The following PTPRD variants were observed in gnomAD, a reference collection of about 807,000 sequenced individuals.
PTPRD encodes the protein receptor-type tyrosine-protein phosphatase delta.
PTPRD carries 34 observed loss-of-function variants against 214.5 expected under a neutral mutation model. The observed-to-expected ratio is 0.16, with a 90% CI of 0.12 to 0.21. The LOEUF (loss-of-function observed/expected upper bound fraction) is 0.21, where lower values mean the gene tolerates loss of function less well. PTPRD is among the 10% of genes least tolerant of loss of function. The pLI is 1.00. For synonymous variants in PTPRD, 1,128 were observed against 845.7 expected, an observed-to-expected ratio of 1.33 and a Z score of -5.79; for missense variants, 2,545 against 2,398.7, an observed-to-expected ratio of 1.06 and a Z score of -1.27.
chr9:8,788,463 C>T (rs1027030512), intron 11 of PTPRD, among the ~76,000 whole-genome samples: 10 of 151,652 alleles, frequency 6.6e-5, no homozygotes, highest in Non-Finnish European at 1.3e-4. Flanking sequence ...TTAGTAGAGA[C>T]GGGGTTTCTC....
At chr9:8,348,656 C>A (rs778551608) in intron 39 of PTPRD, among the ~76,000 whole-genome samples, 30 of 152,028 alleles carry the variant, frequency 2.0e-4, no homozygotes, top group Non-Finnish European at 1.8e-4. Context: ...ACCGCAGGGC[C>A]CTCAGGTAAT....
At chr9:9,925,154 A>G (rs2083827661) in intron 5 of PTPRD, among the ~76,000 whole-genome samples, 1 of 152,042 alleles carries the variant, frequency 6.6e-6, no homozygotes, top group Non-Finnish European at 1.5e-5. Context: ...ATTATCACAA[A>G]TCTACAATTT....
chr9:8,900,945 A>G (rs1587698805), intron 11 of PTPRD, among the ~76,000 whole-genome samples: 1 of 152,332 alleles, frequency 6.6e-6, no homozygotes, highest in East Asian at 1.9e-4. Flanking sequence ...TTTCAAAAGT[A>G]ATAAATGTCT....
chr9:9,509,498 T>G (rs2154241834), intron 8 of PTPRD, among the ~76,000 whole-genome samples: 1 of 151,552 alleles, frequency 6.6e-6, no homozygotes, highest in South Asian at 2.1e-4. Context: ...ACTGCCTAAT[T>G]GATCACCTGC....
intron 2 of PTPRD, among the ~76,000 whole-genome samples, chr9:10,455,821 A>C (rs1360194584): frequency 6.6e-6 from 1 of 151,324 alleles, no homozygotes. Flanking sequence ...CTCCTACTGA[A>C]TGTGATTACT....
At chr9:10,410,501 CA>C (rs893625439) in intron 2 of PTPRD, among the ~76,000 whole-genome samples, 12 of 151,010 alleles carry the variant, frequency 7.9e-5, no homozygotes, top group African/African-American at 2.9e-4. Flanking sequence ...TTTATAGACA[CA>C]AACTGTTGAT....
intron 9 of PTPRD, among the ~76,000 whole-genome samples, chr9:9,320,189 T>C (rs1281796269): frequency 6.6e-6 from 1 of 152,206 alleles, no homozygotes; most frequent in Non-Finnish European, 1.5e-5. Context: ...AGAGGCACCA[T>C]ATTTTATTTC....
intron 7 of PTPRD, among the ~76,000 whole-genome samples, chr9:9,670,805 C>A (rs1436970517): frequency 1.3e-5 from 2 of 152,138 alleles, no homozygotes; most frequent in Admixed American, 1.3e-4. Flanking sequence ...GGAACATCCA[C>A]CTAGATTTCA....
intron 8 of PTPRD, among the ~76,000 whole-genome samples, chr9:9,486,289 A>T (rs545285745): frequency 4.0e-4 from 61 of 151,424 alleles, no homozygotes; most frequent in Non-Finnish European, 6.6e-4. Context: ...TGCGTCTTCA[A>T]ACAAGGATGG....
intron 7 of PTPRD, among the ~76,000 whole-genome samples, chr9:9,607,654 A>C (rs2094251684): frequency 6.6e-6 from 1 of 152,000 alleles, no homozygotes; most frequent in Admixed American, 6.6e-5. Context: ...CATCCTGCAA[A>C]CCCTTATCAT....
intron 5 of PTPRD, among the ~76,000 whole-genome samples, chr9:9,775,954 C>CA (rs59412193): frequency 0.027 from 755 of 28,404 alleles, 62 homozygotes; most frequent in African/African-American, 0.042. Context: ...GACTCTGTCT[C>CA]AAAAAAAAAA....
At chr9:8,500,558 GAAAAAAAAA>G (rs146807692) in intron 24 of PTPRD, among the ~76,000 whole-genome samples, 187 bp downstream of exon 24, 20 of 14,312 alleles carry the variant, frequency 1.4e-3, no homozygotes, top group South Asian at 0.012. Context: ...TGAAAAAAAT[GAAAAAAAAA>G]AAAAAAAAAA....
chr9:9,260,196 C>T (rs12378276), intron 9 of PTPRD, among the ~76,000 whole-genome samples: 15,705 of 151,740 alleles, frequency 0.1, 1,037 homozygotes, highest in Middle Eastern at 0.14. Flanking sequence ...GCAAAGAAAA[C>T]TGGCAAGTTA....
chr9:10,522,338 C>T (rs1213503126), intron 2 of PTPRD, among the ~76,000 whole-genome samples: 1 of 152,134 alleles, frequency 6.6e-6, no homozygotes, highest in Non-Finnish European at 1.5e-5. Context: ...ACATCACAAG[C>T]GTCCTCTTCA....
intron 5 of PTPRD, among the ~76,000 whole-genome samples, chr9:9,809,524 A>G (rs1231587939): frequency 2.0e-5 from 3 of 152,160 alleles, no homozygotes; most frequent in East Asian, 3.9e-4. Flanking sequence ...TCGGCCTCCC[A>G]AAGTGCTGGG....
chr9:9,338,764 A>C (rs957255936), intron 9 of PTPRD, among the ~76,000 whole-genome samples: 3 of 152,106 alleles, frequency 2.0e-5, no homozygotes, highest in African/African-American at 7.2e-5. Flanking sequence ...ACATAGGTAT[A>C]CACATGCCAT....
At chr9:9,651,708 GT>G (rs2096356909) in intron 7 of PTPRD, among the ~76,000 whole-genome samples, 1 of 150,526 alleles carries the variant, frequency 6.6e-6, no homozygotes. Flanking sequence ...GAACATATGT[GT>G]ACTTGTGTCT....
chr9:8,696,903 A>G (rs767376378), intron 12 of PTPRD, among the ~76,000 whole-genome samples: 4 of 152,198 alleles, frequency 2.6e-5, no homozygotes, highest in Non-Finnish European at 4.4e-5. Context: ...AGCTACACAG[A>G]GGTGCACAGA....
chr9:8,981,282 T>A (rs531500213), intron 11 of PTPRD, among the ~76,000 whole-genome samples: 1 of 152,194 alleles, frequency 6.6e-6, no homozygotes, highest in African/African-American at 2.4e-5. Flanking sequence ...AGTGGGATCA[T>A]AATTATTTTT....
Sources: allele counts gnomAD v4.1 joint callset (sites outside exome capture counted in the v4.1 genomes callset), GRCh38; gene constraint gnomAD v4.1.1; transcripts MANE v1.5; gene names NCBI Gene and HGNC (gene_info 2026-07-23, HGNC 2026-07-21).